GRM7: variants seen among roughly 807,000 people sequenced by gnomAD.
GRM7 encodes the protein glutamate metabotropic receptor 7, also known as metabotropic glutamate receptor 7.
In GRM7, 35 loss-of-function variants were observed where a neutral mutation model predicts 84.5. The observed-to-expected ratio is 0.41, with a 90% CI of 0.32 to 0.55. The LOEUF (loss-of-function observed/expected upper bound fraction) is 0.55. Ranked by LOEUF, GRM7 falls within the 20% of genes least tolerant of loss-of-function variation. The probability of loss-of-function intolerance (pLI) is 0.19; values close to 1 mark genes in which losing one functional copy is unlikely to be tolerated. For missense variants in GRM7, 1,003 were observed against 1,194.6 expected (o/e 0.84, Z 2.36); for synonymous variants, 487 against 455.1 (o/e 1.07, Z -0.89).
chr3:7,451,685 G>A (rs1697775347), intron 5 of GRM7: 1 of 152,030 alleles, frequency 6.6e-6, no homozygotes, highest in African/African-American at 2.4e-5. Context: ...CTTTCCCACT[G>A]GTATCATAAG....
intron 2 of GRM7, among the ~76,000 whole-genome samples, chr3:7,148,519 G>T (rs896277106): frequency 6.6e-5 from 10 of 152,158 alleles, no homozygotes; most frequent in Non-Finnish European, 1.3e-4. Context: ...TCTGTAAAGT[G>T]CAGCTTTCCT....
chr3:7,069,203 A>G (rs1697776123), intron 1 of GRM7, among the ~76,000 whole-genome samples: 1 of 151,928 alleles, frequency 6.6e-6, no homozygotes. Context: ...GGGTAATGAA[A>G]CACTCTGGGA....
At chr3:7,235,487 C>T (rs1052534196) in intron 2 of GRM7, among the ~76,000 whole-genome samples, 1 of 152,276 alleles carries the variant, frequency 6.6e-6, no homozygotes, top group Non-Finnish European at 1.5e-5. Context: ...ATTATGCCCA[C>T]GTATTGATTG....
At chr3:7,489,747 A>G (rs1699453934) in intron 7 of GRM7, among the ~76,000 whole-genome samples, 1 of 152,114 alleles carries the variant, frequency 6.6e-6, no homozygotes, top group Non-Finnish European at 1.5e-5. Flanking sequence ...TGCTCTTCAT[A>G]TATTCATATA....
chr3:7,034,062 C>A (rs1030381810), intron 1 of GRM7, among the ~76,000 whole-genome samples: 1 of 152,030 alleles, frequency 6.6e-6, no homozygotes, highest in African/African-American at 2.4e-5. Context: ...ATTATAGATA[C>A]CTTTCAAAGC....
intron 1 of GRM7, among the ~76,000 whole-genome samples, chr3:6,935,845 G>GTT (rs1697673169): frequency 6.6e-6 from 1 of 151,894 alleles, no homozygotes; most frequent in East Asian, 1.9e-4. Context: ...ACAGGTGTGT[G>GTT]CCAACACGCA....
intron 1 of GRM7, among the ~76,000 whole-genome samples, chr3:6,970,983 A>AAAACAAACAAACAAAC (rs71063280): frequency 3.4e-5 from 5 of 149,088 alleles, no homozygotes; most frequent in South Asian, 4.3e-4. Context: ...CTCTGTCTCA[A>AAAACAAACAAACAAAC]AAACAAACAA....
At chr3:7,360,722 C>T (rs540954930) in intron 4 of GRM7, among the ~76,000 whole-genome samples, 11 of 152,182 alleles carry the variant, frequency 7.2e-5, no homozygotes, top group African/African-American at 2.6e-4. Flanking sequence ...TGTTGGGACA[C>T]ATGTCATGGC....
At chr3:7,495,249 G>A (rs1399071747) in intron 7 of GRM7, among the ~76,000 whole-genome samples, 1 of 152,070 alleles carries the variant, frequency 6.6e-6, no homozygotes. Flanking sequence ...ACCCAAGAGA[G>A]GAGAAGAGCA....
At chr3:7,663,075 G>T (rs1699534336) in intron 8 of GRM7, among the ~76,000 whole-genome samples, 2 of 152,262 alleles carry the variant, frequency 1.3e-5, no homozygotes, top group Admixed American at 1.3e-4. Flanking sequence ...ATTTTAATTG[G>T]AACTGAGATG....
At chr3:7,458,313 A>C (rs578250759) in intron 6 of GRM7, among the ~76,000 whole-genome samples, 1 of 152,144 alleles carries the variant, frequency 6.6e-6, no homozygotes, top group Non-Finnish European at 1.5e-5. Context: ...CCTTGTGGGC[A>C]TCTCTGTGGG....
intron 2 of GRM7, among the ~76,000 whole-genome samples, chr3:7,215,423 T>G (rs1575041304): frequency 6.6e-6 from 1 of 151,996 alleles, no homozygotes; most frequent in South Asian, 2.1e-4. Context: ...CCAGCACTTT[T>G]GGAGGCGGAG....
At chr3:7,254,940 C>A (rs529070142) in intron 2 of GRM7, among the ~76,000 whole-genome samples, 29 of 152,300 alleles carry the variant, frequency 1.9e-4, no homozygotes, top group African/African-American at 5.8e-4. Context: ...GCTTGACTTT[C>A]AGAGGTCTAC....
intron 2 of GRM7, among the ~76,000 whole-genome samples, chr3:7,235,069 G>A (rs1697306562): frequency 1.3e-5 from 2 of 152,098 alleles, no homozygotes; most frequent in Non-Finnish European, 2.9e-5. Flanking sequence ...TCCCTCATTA[G>A]AATAAAAAAA....
intron 2 of GRM7, among the ~76,000 whole-genome samples, chr3:7,215,623 C>A (rs1056133248): frequency 1.3e-5 from 2 of 151,800 alleles, no homozygotes; most frequent in Non-Finnish European, 2.9e-5. Flanking sequence ...TGAGATCGCG[C>A]CACTGCACTC....
chr3:7,001,724 A>G (rs939551247), intron 1 of GRM7, among the ~76,000 whole-genome samples: 13 of 152,238 alleles, frequency 8.5e-5, no homozygotes, highest in African/African-American at 2.7e-4. Context: ...CTCAATGTTA[A>G]GTTTTGTTTA....
intron 7 of GRM7, among the ~76,000 whole-genome samples, chr3:7,492,024 T>TA (rs1699537634): frequency 6.6e-6 from 1 of 152,170 alleles, no homozygotes; most frequent in South Asian, 2.1e-4. Flanking sequence ...ATTTATTTTT[T>TA]AATGCTGAAC....
At chr3:6,964,313 G>T (rs1693416572) in intron 1 of GRM7, among the ~76,000 whole-genome samples, 1 of 152,060 alleles carries the variant, frequency 6.6e-6, no homozygotes, top group Non-Finnish European at 1.5e-5. Context: ...TTTCTGAGTT[G>T]CAAACTGTGA....
At chr3:7,581,065 G>A (rs1575520399) in intron 8 of GRM7, among the ~76,000 whole-genome samples, 1 of 152,042 alleles carries the variant, frequency 6.6e-6, no homozygotes, top group Non-Finnish European at 1.5e-5. Context: ...TTTATTCTTG[G>A]GGAACATAAA....
Sources: allele counts gnomAD v4.1 joint callset (sites outside exome capture counted in the v4.1 genomes callset), GRCh38; gene constraint gnomAD v4.1.1; transcripts MANE v1.5; gene names NCBI Gene and HGNC (gene_info 2026-07-23, HGNC 2026-07-21).